Variants in SORCS1 observed in about 807,000 individuals in gnomAD.
SORCS1 encodes the protein VPS10 domain-containing receptor SorCS1.
In SORCS1, 60 loss-of-function variants were observed where a neutral mutation model predicts 146.1. That is an observed-to-expected ratio of 0.41 (90% confidence interval 0.33 to 0.51). The LOEUF is 0.51. Among genes scored for constraint, SORCS1 ranks in the 20% least tolerant of loss-of-function variants. The pLI, the probability that SORCS1 is intolerant of heterozygous loss-of-function variation, is 0.21. For synonymous variants in SORCS1, 637 were observed against 584.0 expected (o/e 1.09, Z -1.31); for missense variants, 1,352 against 1,487.6 (o/e 0.91, Z 1.50).
chr10:106,749,697 C>T (rs891841127), intron 5 of SORCS1, among the ~76,000 whole-genome samples: 2 of 152,184 alleles, frequency 1.3e-5, no homozygotes, highest in African/African-American at 2.4e-5. Context: ...TCAATCGAAT[C>T]AAAATGAGAT....
intron 9 of SORCS1, among the ~76,000 whole-genome samples, chr10:106,698,860 C>A (rs966991593): frequency 6.6e-6 from 1 of 152,116 alleles, no homozygotes; most frequent in Non-Finnish European, 1.5e-5. Flanking sequence ...AGTGCATCCA[C>A]CATCCCTTTA....
At chr10:106,729,993 G>A in intron 6 of SORCS1, 57 bp downstream of exon 6, 4 of 1,536,700 alleles carry the variant, frequency 2.6e-6, no homozygotes, top group Non-Finnish European at 3.6e-6. Context: ...CTCAGTTCAT[G>A]ACAGAGTCAT....
At chr10:106,687,914 A>C (rs2135630463) in intron 10 of SORCS1, among the ~76,000 whole-genome samples, 1 of 152,288 alleles carries the variant, frequency 6.6e-6, no homozygotes. Flanking sequence ...AAACTGTCAT[A>C]TTCTCCCTCA....
chr10:106,684,697 T>C (rs894249455), intron 10 of SORCS1, among the ~76,000 whole-genome samples: 1 of 152,182 alleles, frequency 6.6e-6, no homozygotes, highest in African/African-American at 2.4e-5. Flanking sequence ...TTATTCCACA[T>C]CTGTAACAGC....
At chr10:107,134,865 T>C (rs1042502357) in intron 1 of SORCS1, among the ~76,000 whole-genome samples, 3 of 152,156 alleles carry the variant, frequency 2.0e-5, no homozygotes, top group Non-Finnish European at 4.4e-5. Context: ...GGGCCCTTAG[T>C]TGAGTGGCCA....
intron 1 of SORCS1, among the ~76,000 whole-genome samples, chr10:107,134,726 A>C (rs1050535071): frequency 2.6e-5 from 4 of 152,216 alleles, no homozygotes; most frequent in Non-Finnish European, 5.9e-5. Context: ...GAGAAATCGG[A>C]CAAGTCAGCA....
intron 1 of SORCS1, among the ~76,000 whole-genome samples, chr10:107,024,696 A>T (rs1469032415): frequency 1.3e-5 from 2 of 152,146 alleles, no homozygotes; most frequent in African/African-American, 4.8e-5. Flanking sequence ...ATACCTGGTC[A>T]ATCTTGTTTT....
intron 1 of SORCS1, among the ~76,000 whole-genome samples, chr10:107,049,777 A>T (rs913930228): frequency 6.6e-6 from 1 of 152,172 alleles, no homozygotes; most frequent in Non-Finnish European, 1.5e-5. Context: ...GGTATCAAAC[A>T]TTCTTGTTAA....
intron 1 of SORCS1, among the ~76,000 whole-genome samples, chr10:106,958,287 A>T (rs568802720): frequency 6.6e-6 from 1 of 152,174 alleles, no homozygotes; most frequent in African/African-American, 2.4e-5. Context: ...GGCCCAGCCC[A>T]GCTGTTTCCA....
intron 2 of SORCS1, among the ~76,000 whole-genome samples, chr10:106,907,996 T>C (rs1461715038): frequency 6.6e-6 from 1 of 152,200 alleles, no homozygotes; most frequent in Non-Finnish European, 1.5e-5. Context: ...TTATCCTTTC[T>C]CTGACATCTT....
At chr10:107,093,549 C>T (rs1229132756) in intron 1 of SORCS1, among the ~76,000 whole-genome samples, 1 of 151,790 alleles carries the variant, frequency 6.6e-6, no homozygotes, top group Non-Finnish European at 1.5e-5. Flanking sequence ...GGTGTGTGCC[C>T]GTAGTCCCAG....
At position 107,124,569 on chromosome 10, in the gene SORCS1, T is replaced by C. The variant is rs74684539; in HGVS notation, c.558+39400A>G. Reference sequence around the variant, plus strand: ...GTAAACGAACCATTAATGGCATCAATTCTTCCCTGCAAACATTTTGCTGGG... The same window carrying C: ...GTAAACGAACCATTAATGGCATCAACTCTTCCCTGCAAACATTTTGCTGGG... On this transcript the variant is annotated intron_variant, in intron 1 of 25. Coordinates refer to ENST00000263054, the MANE Select transcript of SORCS1 (RefSeq NM_052918.5). Among the ~76,000 whole-genome samples, 66 of 152,192 alleles carry C rather than the reference T, an allele frequency of 4.3e-4. No homozygotes were observed. The East Asian group carries it at 0.012, about 28-fold the overall frequency.
At chr10:107,044,188 C>T (rs944963944) in intron 1 of SORCS1, among the ~76,000 whole-genome samples, 1 of 152,072 alleles carries the variant, frequency 6.6e-6, no homozygotes, top group African/African-American at 2.4e-5. Context: ...TTCTGGTGAT[C>T]TTCACCTTGA....
intron 1 of SORCS1, among the ~76,000 whole-genome samples, chr10:107,004,065 G>A (rs1320889668): frequency 1.3e-5 from 2 of 149,462 alleles, no homozygotes; most frequent in African/African-American, 5.0e-5. Context: ...GTCCCAGCTA[G>A]TTTGGAAGGC....
At position 106,984,394 on chromosome 10, in the gene SORCS1, A is replaced by ATTTTTTT. The variant is rs34494927; in HGVS notation, c.559-27821_559-27815dup. The stretch of plus-strand genomic sequence containing the variant: ...TCTCAGAAATTAAATAGTGATTTCC[A>ATTTTTTT]TTTTTTTTTTTTTTTTTGAGACAGA... On this transcript the variant is annotated intron_variant, in intron 1 of 25. Coordinates refer to ENST00000263054, the MANE Select transcript of SORCS1 (RefSeq NM_052918.5). Among the ~76,000 whole-genome samples the ATTTTTTT allele has an allele frequency of 4.5e-5, 6 of 134,074 alleles. 1 individual carries two copies. The highest frequency in any genetic ancestry group is 6.3e-5 in the Non-Finnish European group (4 of 63,124). 88.0% of individuals were successfully genotyped at this position (134,074 alleles called of 152,430 possible).
rs1354515658 is a variant in SORCS1, at chr10:106,667,724, A to G, written c.2268T>C (p.Asp756=). 3 of 1,614,002 alleles carry G rather than the reference A, an allele frequency of 1.9e-6. No individual in the cohort carries two copies. Among genetic ancestry groups the G allele is most frequent in the South Asian group, 1.1e-5 (1 of 91,048 alleles). ...FWFNPSSLSK[D]CSLGQSYLNS... The stretch of plus-strand genomic sequence containing the variant: ...TGAGGTAACTCTGTCCCAAGCTGCA[A>G]TCCTTTGACAGAGAGGATGGATTGA... Residue 756 remains aspartate (D), a synonymous_variant, in exon 17 of 26, where the codon GAT becomes GAC. Coordinates refer to ENST00000263054, the MANE Select transcript of SORCS1 (RefSeq NM_052918.5).
chr10:106,905,498 A>G (rs1951872465), intron 2 of SORCS1, among the ~76,000 whole-genome samples: 1 of 152,234 alleles, frequency 6.6e-6, no homozygotes, highest in Non-Finnish European at 1.5e-5. Flanking sequence ...TTAGAAAACT[A>G]TTCTTTCCTC....
intron 1 of SORCS1, among the ~76,000 whole-genome samples, chr10:107,103,477 T>C (rs767676957): frequency 1.3e-5 from 2 of 152,238 alleles, no homozygotes; most frequent in East Asian, 1.9e-4. Flanking sequence ...TGCTTTTCAA[T>C]GCAGCTTCCT....
At chr10:106,667,602 C>T in intron 17 of SORCS1, 87 bp downstream of exon 17, 1 of 871,894 alleles carries the variant, frequency 1.1e-6, no homozygotes, top group Non-Finnish European at 1.9e-6. Context: ...TATGCTTGGT[C>T]CTTGATCAGA....
Sources: allele counts gnomAD v4.1 joint callset (sites outside exome capture counted in the v4.1 genomes callset), GRCh38; gene constraint gnomAD v4.1.1; transcripts MANE v1.5; gene names NCBI Gene and HGNC (gene_info 2026-07-23, HGNC 2026-07-21).